Variants in SH3D19 observed in about 807,000 individuals in gnomAD.
SH3D19 encodes SH3 domain containing 19, also known as SH3 domain-containing protein 19.
SH3D19 carries 58 observed loss-of-function variants against 112.1 expected under a neutral mutation model. That is an observed-to-expected ratio of 0.52 (90% CI 0.42 to 0.64). The LOEUF (loss-of-function observed/expected upper bound fraction) is 0.64, where lower values mean the gene tolerates loss of function less well. Ranked by LOEUF, SH3D19 falls within the 30% of genes least tolerant of loss-of-function variation. The probability of loss-of-function intolerance (pLI) is 0.00; values close to 1 mark genes in which losing one functional copy is unlikely to be tolerated. For missense variants in SH3D19, 1,090 were observed against 1,263.4 expected (o/e 0.86, Z 2.08); for synonymous variants, 391 against 448.5 (o/e 0.87, Z 1.62).
At chr4:151,128,439 A>C in intron 17 of SH3D19, 83 bp from the exon 18 acceptor site, 1 of 1,171,072 alleles carries the variant, frequency 8.5e-7, no homozygotes, top group Non-Finnish European at 1.2e-6. Context: ...GTAGTGGGGA[A>C]AAAAAAACTA....
Position 151,308,578 on chromosome 4 carries a change from A to G in SH3D19, c.112+16663T>C, listed in dbSNP as rs78300880. 1.2e-4 allele frequency among the ~76,000 whole-genome samples: 19 copies of G among 152,372 alleles called. No homozygotes were observed. In the East Asian group the frequency reaches 3.5e-3, roughly 28 times the overall value. ...CCATACACCTCCAAGGTAAATGGGC[A>G]TAAGAACCCTGCTGCAAAAGGCCAT... On this transcript the variant is annotated intron_variant, in intron 1 of 19. Transcript: ENST00000604030.
intron 2 of SH3D19, among the ~76,000 whole-genome samples, chr4:151,189,044 C>T (rs1762225109): frequency 6.6e-6 from 1 of 152,158 alleles, no homozygotes; most frequent in Admixed American, 6.5e-5. Flanking sequence ...CATAGCCCTG[C>T]TGACACCTTG....
intron 3 of SH3D19, among the ~76,000 whole-genome samples, chr4:151,182,209 G>A (rs1235327797): frequency 1.3e-5 from 2 of 151,996 alleles, no homozygotes; most frequent in South Asian, 4.2e-4. Flanking sequence ...GACTGGTCTC[G>A]ACTTCCTGAC....
chr4:151,152,893 T>C (rs1255227377), intron 9 of SH3D19, among the ~76,000 whole-genome samples: 3 of 151,278 alleles, frequency 2.0e-5, no homozygotes, highest in Non-Finnish European at 4.4e-5. Flanking sequence ...TAGAGTGTAG[T>C]GGCACGATCT....
At chr4:151,229,254 A>G (rs960326498) in intron 1 of SH3D19, among the ~76,000 whole-genome samples, 5 of 152,188 alleles carry the variant, frequency 3.3e-5, no homozygotes. Context: ...ATATTTAGAA[A>G]TCATATGAAT....
intron 1 of SH3D19, among the ~76,000 whole-genome samples, chr4:151,323,395 A>G (rs1379273697): frequency 1.3e-5 from 2 of 152,246 alleles, no homozygotes; most frequent in Non-Finnish European, 2.9e-5. Flanking sequence ...AGCAACATCT[A>G]GCACAGACAT....
intron 1 of SH3D19, chr4:151,262,837 A>G (rs748443144): frequency 6.6e-6 from 1 of 152,096 alleles, no homozygotes; most frequent in Non-Finnish European, 1.5e-5. Context: ...ATCCATTTCT[A>G]CAAGTCTTGG....
intron 8 of SH3D19, among the ~76,000 whole-genome samples, chr4:151,160,033 T>C (rs1314945901): frequency 2.2e-5 from 3 of 136,318 alleles, no homozygotes; most frequent in Admixed American, 6.9e-5. Flanking sequence ...TGCTTCTTAA[T>C]AGGTGGTGTA....
chr4:151,251,545 A>G (rs576600064), intron 1 of SH3D19, among the ~76,000 whole-genome samples: 2 of 152,228 alleles, frequency 1.3e-5, no homozygotes, highest in East Asian at 1.9e-4. Flanking sequence ...GCCAATTCCA[A>G]TAATTTTCTA....
chr4:151,308,913 G>C (rs541731213), intron 1 of SH3D19, among the ~76,000 whole-genome samples: 1 of 151,882 alleles, frequency 6.6e-6, no homozygotes, highest in Non-Finnish European at 1.5e-5. Flanking sequence ...TCACCCACCG[G>C]GACTAGAGTG....
chr4:151,140,919 C>G (rs1752872581), intron 12 of SH3D19: 1 of 152,204 alleles, frequency 6.6e-6, no homozygotes, highest in Non-Finnish European at 1.5e-5. Flanking sequence ...GCTGCTCTTT[C>G]AACCAAAATG....
At chr4:151,217,755 G>C (rs1767360858) in intron 2 of SH3D19, among the ~76,000 whole-genome samples, 1 of 151,990 alleles carries the variant, frequency 6.6e-6, no homozygotes, top group South Asian at 2.1e-4. Flanking sequence ...ATTTCTAACT[G>C]CAATGAATTG....
intron 1 of SH3D19, among the ~76,000 whole-genome samples, chr4:151,324,360 C>G (rs1362932353): frequency 6.6e-6 from 1 of 152,192 alleles, no homozygotes. Flanking sequence ...TATAATGAGG[C>G]TCTCAGTGAA....
intron 1 of SH3D19, among the ~76,000 whole-genome samples, chr4:151,322,868 T>C (rs1730690687): frequency 6.6e-6 from 1 of 152,130 alleles, no homozygotes; most frequent in African/African-American, 2.4e-5. Context: ...TTAAATGATC[T>C]TAAAAAGGTA....
At chr4:151,248,114 C>CT (rs59021784) in intron 1 of SH3D19, among the ~76,000 whole-genome samples, 6 of 151,188 alleles carry the variant, frequency 4.0e-5, no homozygotes, top group South Asian at 2.1e-4. Flanking sequence ...TAATGTTTTA[C>CT]TTTTTTTTTT....
intron 2 of SH3D19, among the ~76,000 whole-genome samples, chr4:151,190,208 G>A (rs1000363575): frequency 2.0e-5 from 3 of 152,180 alleles, no homozygotes; most frequent in Non-Finnish European, 4.4e-5. Flanking sequence ...AGTCACTTGG[G>A]TTCTTTTAAA....
intron 3 of SH3D19, among the ~76,000 whole-genome samples, chr4:151,182,083 G>A (rs1423180693): frequency 6.6e-6 from 1 of 151,942 alleles, no homozygotes; most frequent in East Asian, 1.9e-4. Flanking sequence ...CGACTTCCCT[G>A]GCTCAAGCGA....
At chr4:151,140,536 A>G (rs1198443611) in intron 12 of SH3D19, 2 of 152,244 alleles carry the variant, frequency 1.3e-5, no homozygotes, top group African/African-American at 4.8e-5. Context: ...GATTGGCCAG[A>G]GGATAAGGCA....
intron 1 of SH3D19, chr4:151,277,186 G>A (rs1773710414): frequency 2.0e-6 from 3 of 1,496,084 alleles, no homozygotes; most frequent in Middle Eastern, 1.8e-4. Flanking sequence ...GGCCCTGCTG[G>A]CTGTGCCTTC....
Sources: gnomAD v4.1 joint callset for allele counts (sites outside exome capture counted in the v4.1 genomes callset) on GRCh38, gnomAD v4.1.1 for gene constraint, MANE v1.5 for transcripts, NCBI Gene and HGNC (gene_info 2026-07-23, HGNC 2026-07-21) for gene names.